AP3B1: variants seen among roughly 807,000 people sequenced by gnomAD.
AP3B1 encodes AP-3 complex subunit beta-1.
A neutral mutation model predicts 132.5 loss-of-function variants in AP3B1; 61 were observed. That is an observed-to-expected ratio of 0.46 (90% CI 0.37 to 0.57). The LOEUF (loss-of-function observed/expected upper bound fraction) is 0.57, where lower values mean the gene tolerates loss of function less well. Ranked by LOEUF, AP3B1 falls within the 20% of genes least tolerant of loss-of-function variation. The pLI, the probability that AP3B1 is intolerant of heterozygous loss-of-function variation, is 0.00. For missense variants in AP3B1, 1,120 were observed against 1,289.4 expected (o/e 0.87, Z 2.01); for synonymous variants, 388 against 438.3 (o/e 0.89, Z 1.43).
intron 1 of AP3B1, among the ~76,000 whole-genome samples, chr5:78,279,907 A>AATATATATATATGACTTAAATATAT (rs1554035367): frequency 0.011 from 1,224 of 114,216 alleles, 3 homozygotes; most frequent in Non-Finnish European, 0.013. Flanking sequence ...ATATGACTTA[A>AATATATATATATGACTTAAATATAT]ATATATATAT....
At chr5:78,107,369 T>C (rs1191916495) in intron 20 of AP3B1, among the ~76,000 whole-genome samples, 1 of 152,142 alleles carries the variant, frequency 6.6e-6, no homozygotes, top group Non-Finnish European at 1.5e-5. Flanking sequence ...AGATGGAGGA[T>C]ATGTAGAATA....
chr5:78,178,017 A>C (rs536340799), intron 8 of AP3B1, among the ~76,000 whole-genome samples: 135 of 152,298 alleles, frequency 8.9e-4, no homozygotes, highest in African/African-American at 3.1e-3. Flanking sequence ...TCCTCAGAAA[A>C]AAAAAGAGAC....
chr5:78,091,386 C>G (rs976812633), intron 21 of AP3B1, among the ~76,000 whole-genome samples: 1 of 151,440 alleles, frequency 6.6e-6, no homozygotes, highest in Non-Finnish European at 1.5e-5. Flanking sequence ...ATAGAGAAAG[C>G]AGCCTGGAGG....
chr5:78,128,064 T>G lies in AP3B1; in HGVS notation c.1934A>C (p.Asp645Ala), dbSNP rs1317710866. 1.9e-6 allele frequency: 3 copies of G among 1,613,242 alleles called. No individual in the cohort carries two copies. Among genetic ancestry groups the G allele is most frequent in the African/African-American group, 2.7e-5 (2 of 74,908 alleles). The change falls in exon 17 of 27, where the codon GAC becomes GCC. Residue 645 changes from aspartate (D) to alanine (A), a missense_variant. Transcript: ENST00000255194. ...TACTTCTACATTTCGAACTGATGGG[T>G]CGGGCGCCACCTCTGGCCAATTAGA... ...ELSNWPEVAP[D>A]PSVRNVEVIE...
At chr5:78,089,949 C>T (rs1171790483) in intron 21 of AP3B1, among the ~76,000 whole-genome samples, 1 of 152,078 alleles carries the variant, frequency 6.6e-6, no homozygotes, top group Non-Finnish European at 1.5e-5. Flanking sequence ...TACCTAATTC[C>T]CTTGTAATTA....
At position 78,034,345 on chromosome 5, in the gene AP3B1, G is replaced by C; in HGVS notation, c.2894+16C>G. On this transcript the variant is annotated intron_variant, in intron 24 of 26. Coordinates refer to ENST00000255194, the MANE Select transcript of AP3B1 (RefSeq NM_003664.5). ...TTTACAGGTTATATAAAAAATAGAA[G>C]AACAATTGAACTTACCACAACTGGA... 1 of 1,592,350 alleles carries C rather than the reference G, an allele frequency of 6.3e-7. No individual in the cohort carries two copies. Among genetic ancestry groups the C allele is most frequent in the Non-Finnish European group, 8.6e-7 (1 of 1,160,606 alleles).
At chr5:78,131,212 G>A (rs1158296209) in intron 15 of AP3B1, among the ~76,000 whole-genome samples, 6 of 151,486 alleles carry the variant, frequency 4.0e-5, no homozygotes, top group Middle Eastern at 3.3e-3. Context: ...CTAGTAACAA[G>A]GCATTAGTAT....
chr5:78,239,766 G>A (rs1367270764), intron 3 of AP3B1, among the ~76,000 whole-genome samples: 2 of 130,028 alleles, frequency 1.5e-5, no homozygotes, highest in African/African-American at 3.0e-5. Context: ...GTGACGAAGT[G>A]AGACTCTGTC....
intron 7 of AP3B1, among the ~76,000 whole-genome samples, chr5:78,213,078 A>T (rs1285444349): frequency 6.6e-6 from 1 of 151,924 alleles, no homozygotes; most frequent in Non-Finnish European, 1.5e-5. Flanking sequence ...ATGGGGTTTC[A>T]CCGTGTTAGC....
At chr5:78,114,541 A>G (rs1304609378) in intron 18 of AP3B1, among the ~76,000 whole-genome samples, 1 of 152,208 alleles carries the variant, frequency 6.6e-6, no homozygotes, top group Non-Finnish European at 1.5e-5. Context: ...TTTTATGTGT[A>G]AATTATGGTA....
At chr5:78,012,997 G>A (rs1218584100) in intron 26 of AP3B1, among the ~76,000 whole-genome samples, 1 of 152,088 alleles carries the variant, frequency 6.6e-6, no homozygotes, top group African/African-American at 2.4e-5. Flanking sequence ...TCTCCCAATA[G>A]GAAGATAGCT....
chr5:78,148,041 A>G (rs912811232), intron 14 of AP3B1, among the ~76,000 whole-genome samples: 1 of 151,572 alleles, frequency 6.6e-6, no homozygotes, highest in Non-Finnish European at 1.5e-5. Flanking sequence ...AAAAAAAAAA[A>G]GGGAAAGAGA....
At chr5:78,168,358 G>A (rs879260348) in intron 11 of AP3B1, among the ~76,000 whole-genome samples, 5 of 151,336 alleles carry the variant, frequency 3.3e-5, no homozygotes, top group Non-Finnish European at 7.4e-5. Flanking sequence ...CAAGTAGCTG[G>A]GACTACAGGT....
chr5:78,064,437 T>A (rs1749191945), intron 22 of AP3B1, among the ~76,000 whole-genome samples: 1 of 152,178 alleles, frequency 6.6e-6, no homozygotes, highest in Admixed American at 6.5e-5. Flanking sequence ...ACTCAGTGAA[T>A]TAACCTTTAA....
chr5:78,044,605 G>A (rs1300787284), intron 22 of AP3B1, among the ~76,000 whole-genome samples: 1 of 152,204 alleles, frequency 6.6e-6, no homozygotes, highest in African/African-American at 2.4e-5. Flanking sequence ...GGGTAGAGGA[G>A]TGGGACTAGA....
chr5:78,090,213 G>A (rs888590917), intron 21 of AP3B1, among the ~76,000 whole-genome samples: 10 of 152,174 alleles, frequency 6.6e-5, no homozygotes, highest in African/African-American at 2.4e-4. Flanking sequence ...TAATGGAAAT[G>A]TTCTACATTT....
At chr5:78,143,491 C>A (rs919297395) in intron 14 of AP3B1, among the ~76,000 whole-genome samples, 1 of 151,974 alleles carries the variant, frequency 6.6e-6, no homozygotes, top group Non-Finnish European at 1.5e-5. Context: ...TATAAATATA[C>A]CAAACTTTTG....
At position 78,156,378 on chromosome 5, in the gene AP3B1, T is replaced by C. The variant is rs759174401; in HGVS notation, c.1364-11A>G. ...CAGCAACAACTATTTCTGAAAAAGA[T>C]AGAAATTATTCATACTAAATATGTA... is the stretch of plus-strand genomic sequence containing the variant. On this transcript the variant is annotated splice_polypyrimidine_tract_variant and intron_variant, in intron 13 of 26. Coordinates refer to ENST00000255194, the MANE Select transcript of AP3B1 (RefSeq NM_003664.5). 30 of 1,546,142 alleles carry C rather than the reference T, an allele frequency of 1.9e-5. No homozygotes were observed. Among genetic ancestry groups the C allele is most frequent in the Middle Eastern group, 1.7e-4 (1 of 5,966 alleles).
chr5:78,205,304 T>A (rs562777441), intron 7 of AP3B1, among the ~76,000 whole-genome samples: 1 of 152,222 alleles, frequency 6.6e-6, no homozygotes, highest in Non-Finnish European at 1.5e-5. Context: ...AGTAAGCTCA[T>A]GCTCTGGTTT....
Sources: gnomAD v4.1 joint callset for allele counts (sites outside exome capture counted in the v4.1 genomes callset) on GRCh38, gnomAD v4.1.1 for gene constraint, MANE v1.5 for transcripts, NCBI Gene and HGNC (gene_info 2026-07-23, HGNC 2026-07-21) for gene names.